The following PTPRD variants were observed in gnomAD, a reference collection of about 807,000 sequenced individuals.
PTPRD encodes the protein protein tyrosine phosphatase receptor type D.
Under a neutral mutation model 214.5 loss-of-function variants are expected in PTPRD, and 34 were observed. The observed-to-expected ratio is 0.16, with a 90% CI of 0.12 to 0.21. The LOEUF (loss-of-function observed/expected upper bound fraction) is 0.21. Ranked by LOEUF, PTPRD falls within the 10% of genes least tolerant of loss-of-function variation. PTPRD has a pLI of 1.00. For missense variants in PTPRD, 2,545 were observed against 2,398.7 expected, an observed-to-expected ratio of 1.06 and a Z score of -1.27; for synonymous variants, 1,128 against 845.7, an observed-to-expected ratio of 1.33 and a Z score of -5.79.
chr9:9,642,676 T>A (rs1040412284), intron 7 of PTPRD, among the ~76,000 whole-genome samples: 1 of 152,202 alleles, frequency 6.6e-6, no homozygotes, highest in Non-Finnish European at 1.5e-5. Flanking sequence ...GTACTGCTAC[T>A]CAGATATGTG....
intron 4 of PTPRD, among the ~76,000 whole-genome samples, chr9:9,958,578 T>C (rs116791729): frequency 0.013 from 1,979 of 152,188 alleles, 49 homozygotes; most frequent in African/African-American, 0.046. Flanking sequence ...AAAAGACTTA[T>C]GCTGTGTAAA....
At chr9:10,370,853 T>C (rs1044106358) in intron 2 of PTPRD, among the ~76,000 whole-genome samples, 5 of 152,026 alleles carry the variant, frequency 3.3e-5, no homozygotes, top group Non-Finnish European at 5.9e-5. Context: ...TGCAGACATA[T>C]AATGAGTTTC....
At chr9:10,329,133 G>A (rs1169263499) in intron 3 of PTPRD, among the ~76,000 whole-genome samples, 2 of 151,748 alleles carry the variant, frequency 1.3e-5, no homozygotes, top group Non-Finnish European at 2.9e-5. Context: ...CCTATGAAGT[G>A]TGGTTTTATC....
At chr9:9,114,580 G>C (rs2099810423) in intron 10 of PTPRD, among the ~76,000 whole-genome samples, 1 of 152,054 alleles carries the variant, frequency 6.6e-6, no homozygotes, top group Non-Finnish European at 1.5e-5. Flanking sequence ...ATATGTCATA[G>C]CAATCTCTTA....
chr9:9,605,999 A>G (rs1362397483), intron 7 of PTPRD, among the ~76,000 whole-genome samples: 1 of 152,046 alleles, frequency 6.6e-6, no homozygotes, highest in Non-Finnish European at 1.5e-5. Flanking sequence ...CTGTTATTAT[A>G]TTAACATCTC....
chr9:10,518,306 G>C (rs1016222211), intron 2 of PTPRD, among the ~76,000 whole-genome samples: 2 of 152,108 alleles, frequency 1.3e-5, no homozygotes, highest in Admixed American at 1.3e-4. Flanking sequence ...CCTGGCGTAT[G>C]GTTGTACATC....
At chr9:8,460,144 T>C in intron 33 of PTPRD, 2 of 434,604 alleles carry the variant, frequency 4.6e-6, no homozygotes, top group East Asian at 8.4e-5. Context: ...GAAAAGTGCT[T>C]ATCTGCATAA....
intron 4 of PTPRD, among the ~76,000 whole-genome samples, chr9:9,974,019 T>C (rs931404213): frequency 8.5e-5 from 13 of 152,210 alleles, no homozygotes; most frequent in Admixed American, 2.0e-4. Context: ...CATAGGAATT[T>C]AGAAATTGTG....
intron 11 of PTPRD, among the ~76,000 whole-genome samples, chr9:8,770,577 T>C (rs2095130984): frequency 6.6e-6 from 1 of 152,162 alleles, no homozygotes; most frequent in South Asian, 2.1e-4. Flanking sequence ...CTGAGAAGCT[T>C]TCACTAAATC....
At chr9:8,804,432 TA>T (rs2096633439) in intron 11 of PTPRD, among the ~76,000 whole-genome samples, 3 of 147,592 alleles carry the variant, frequency 2.0e-5, no homozygotes, top group African/African-American at 7.4e-5. Flanking sequence ...ACTCCGTCTC[TA>T]CAAAAAAAAA....
intron 10 of PTPRD, among the ~76,000 whole-genome samples, chr9:9,101,308 ATAG>A (rs1181429250): frequency 1.3e-5 from 2 of 152,152 alleles, no homozygotes; most frequent in Admixed American, 1.3e-4. Flanking sequence ...TATTAGGTAG[ATAG>A]TAGTTTCTTA....
At chr9:9,904,449 G>T (rs1442448556) in intron 5 of PTPRD, among the ~76,000 whole-genome samples, 3 of 152,050 alleles carry the variant, frequency 2.0e-5, no homozygotes, top group Non-Finnish European at 4.4e-5. Flanking sequence ...ATTTTAAAGT[G>T]TATTCACTTT....
chr9:8,781,919 A>C (rs1263646270), intron 11 of PTPRD, among the ~76,000 whole-genome samples: 3 of 152,146 alleles, frequency 2.0e-5, no homozygotes, highest in African/African-American at 7.2e-5. Context: ...TCCATAAGAC[A>C]TTCTAGTAAA....
intron 7 of PTPRD, among the ~76,000 whole-genome samples, chr9:9,661,756 G>C (rs2096626188): frequency 6.6e-6 from 1 of 151,606 alleles, no homozygotes; most frequent in Non-Finnish European, 1.5e-5. Flanking sequence ...AGTCATCTAA[G>C]AAAATAAAGG....
chr9:10,344,692 C>T (rs9886668), intron 2 of PTPRD, among the ~76,000 whole-genome samples: 18 of 152,052 alleles, frequency 1.2e-4, no homozygotes, highest in African/African-American at 3.9e-4. Flanking sequence ...TTGTTTGTGC[C>T]CTCTTTTATT....
intron 3 of PTPRD, among the ~76,000 whole-genome samples, chr9:10,157,606 T>C (rs893784873): frequency 6.6e-6 from 1 of 152,160 alleles, no homozygotes; most frequent in East Asian, 1.9e-4. Flanking sequence ...CTGATAATTA[T>C]GTGACTTGGA....
At chr9:9,571,336 T>A (rs1232853102) in intron 8 of PTPRD, among the ~76,000 whole-genome samples, 1 of 151,338 alleles carries the variant, frequency 6.6e-6, no homozygotes, top group Admixed American at 6.6e-5. Flanking sequence ...TATATATATC[T>A]CACAAGACAA....
At chr9:9,257,860 G>C (rs987413699) in intron 9 of PTPRD, among the ~76,000 whole-genome samples, 6 of 151,744 alleles carry the variant, frequency 4.0e-5, no homozygotes, top group African/African-American at 1.5e-4. Flanking sequence ...AGGGACAAGT[G>C]GTCTTAAAAA....
At chr9:8,989,787 C>T (rs745695537) in intron 11 of PTPRD, among the ~76,000 whole-genome samples, 12 of 152,166 alleles carry the variant, frequency 7.9e-5, no homozygotes, top group Non-Finnish European at 1.5e-4. Context: ...AGATAGATAA[C>T]GTGCTCCTAA....
Sources: allele counts gnomAD v4.1 joint callset (sites outside exome capture counted in the v4.1 genomes callset), GRCh38; gene constraint gnomAD v4.1.1; transcripts MANE v1.5; gene names NCBI Gene and HGNC (gene_info 2026-07-23, HGNC 2026-07-21).